CD276: variants seen among roughly 807,000 people sequenced by gnomAD.
The protein encoded by CD276 is CD276 antigen.
In CD276, 34 loss-of-function variants were observed where a neutral mutation model predicts 50.0. The observed-to-expected ratio is 0.68, with a 90% CI of 0.52 to 0.91. CD276 has a LOEUF of 0.91. Among genes scored for constraint, CD276 ranks in the 40% least tolerant of loss-of-function variants. CD276 has a pLI of 0.00. For synonymous variants in CD276, 275 were observed against 313.0 expected (o/e 0.88, Z 1.28); for missense variants, 634 against 717.5 (o/e 0.88, Z 1.33).
intron 8 of CD276, among the ~76,000 whole-genome samples, chr15:73,710,689 G>A (rs1484084793): frequency 6.6e-6 from 1 of 152,246 alleles, no homozygotes; most frequent in Non-Finnish European, 1.5e-5. Flanking sequence ...CATTCTTCAT[G>A]CTCAGAGGCA....
Position 73,702,361 on chromosome 15 carries a change from G to T in CD276, c.186G>T (p.Gln62His), listed in dbSNP as rs371089876. 6.2e-7 allele frequency: 1 copy of T among 1,613,542 alleles called. No individual in the cohort carries two copies. The highest frequency in any genetic ancestry group is 8.5e-7 in the Non-Finnish European group (1 of 1,180,024). Residue 62 changes from glutamine to histidine, a missense_variant, in exon 3 of 10, where the codon CAG becomes CAT. By Grantham distance (24) the Gln-to-His change is conservative. Coordinates refer to ENST00000318443, the MANE Select transcript of CD276 (RefSeq NM_001024736.2). ...FSPEPGFSLA[Q>H]LNLIWQLTDT... is the part of the protein sequence containing the mutation. Reference sequence around the variant, plus strand: ...CTGAGCCTGGCTTCAGCCTGGCACAGCTCAACCTCATCTGGCAGCTGACAG... The same window carrying T: ...CTGAGCCTGGCTTCAGCCTGGCACATCTCAACCTCATCTGGCAGCTGACAG...
chr15:73,705,800 C>T (rs900364251), intron 6 of CD276, among the ~76,000 whole-genome samples: 4 of 152,030 alleles, frequency 2.6e-5, no homozygotes, highest in African/African-American at 9.7e-5. Flanking sequence ...GATAAGGGGT[C>T]TTTGTGGTCA....
At chr15:73,686,806 A>G (rs1279201521) in intron 1 of CD276, among the ~76,000 whole-genome samples, 2 of 152,142 alleles carry the variant, frequency 1.3e-5, no homozygotes, top group African/African-American at 2.4e-5. Flanking sequence ...CAGAAAAATG[A>G]CCAAATCCAA....
chr15:73,696,574 G>A (rs547434449), intron 1 of CD276, among the ~76,000 whole-genome samples: 1 of 152,304 alleles, frequency 6.6e-6, no homozygotes, highest in South Asian at 2.1e-4. Context: ...CAAGTCCAGG[G>A]CGCAGCCCTG....
At position 73,713,882 on chromosome 15, in the gene CD276, A is replaced by G; in HGVS notation, c.*926A>G. On this transcript the variant is annotated 3_prime_UTR_variant, in exon 10 of 10. Transcript: ENST00000318443. ...CAACTACAGATGTCAGCACTGTGTT[A>G]GGTGCTGGGGGCCCTGCGTGGGAAG... The G allele has an allele frequency of 2.5e-6, 1 of 407,980 alleles. No individual in the cohort carries two copies. The highest frequency in any genetic ancestry group is 3.2e-5 in the Admixed American group (1 of 30,978). 25.3% of individuals were successfully genotyped at this position (407,980 alleles called of 1,614,324 possible).
chr15:73,704,504 G>C lies in CD276; in HGVS notation c.1369+32G>C. The C allele has an allele frequency of 6.3e-7, 1 of 1,591,322 alleles. No individual in the cohort carries two copies. Among genetic ancestry groups the C allele is most frequent in the East Asian group, 2.3e-5 (1 of 43,978 alleles). On this transcript the variant is annotated intron_variant, in intron 6 of 9. Transcript: ENST00000318443. This position sits in a 1 kb window ranked among gnomAD's most constrained non-coding sequence, Gnocchi z 4.1. ...GCAGATGAACAGCTGGGGAAGGACG[G>C]AGCGAGTAACTCCCTCTTTACTGGA...
In CD276 at chr15:73,703,961, G is replaced by C. The variant is rs755441177; in HGVS notation, c.1036G>C (p.Asp346His). The C allele has an allele frequency of 5.6e-6, 9 of 1,611,952 alleles. No individual in the cohort carries two copies. The South Asian group carries it at 9.9e-5, about 18-fold the overall frequency. The change falls in exon 5 of 10, where the codon GAT (aspartate) becomes CAT (histidine). Residue 346 changes from aspartate to histidine, a missense_variant. Asp to His is a moderately conservative substitution (Grantham distance 81). Transcript: ENST00000318443. ...GSFTCFVSIRDFGSAAVSLQV... is the reference protein window; with the variant it reads ...GSFTCFVSIRHFGSAAVSLQV... The stretch of plus-strand genomic sequence containing the variant: ...CTTCACCTGCTTCGTGAGCATCCGG[G>C]ATTTCGGCAGCGCTGCCGTCAGCCT...
At chr15:73,711,213 AT>A in intron 9 of CD276, 43 bp downstream of exon 9, 1 of 1,604,112 alleles carries the variant, frequency 6.2e-7, no homozygotes, top group Non-Finnish European at 8.5e-7. Context: ...GTATGCACAC[AT>A]CTGTGTGTGA....
rs901198297 is a variant in CD276, at chr15:73,687,809, A to T, written c.-55+3349A>T. Among the ~76,000 whole-genome samples the T allele has an allele frequency of 3.3e-5, 5 of 152,160 alleles. No individual in the cohort carries two copies. The highest frequency in any genetic ancestry group is 9.7e-5 in the African/African-American group (4 of 41,424). ...GGCATAGGGAGCTTAATCTGCGGGA[A>T]GTGGAGTGAGAAGCATTTCTTGCTG... On this transcript the variant is annotated intron_variant, in intron 1 of 9. Coordinates refer to ENST00000318443, the MANE Select transcript of CD276 (RefSeq NM_001024736.2). The surrounding 1 kb of genome is among the most constrained non-coding windows in gnomAD (Gnocchi z 4.0).
chr15:73,695,827 G>A lies in CD276; in HGVS notation c.-54-3759G>A, dbSNP rs368989455. 2.6e-5 allele frequency among the ~76,000 whole-genome samples: 4 copies of A among 152,336 alleles called. No homozygotes were observed. The East Asian group carries it at 5.8e-4, about 22-fold the overall frequency. Reference sequence around the variant, plus strand: ...TCTTTCTGACCCTTTTTGTCCCTTTGTGGGAAGTGTTGCCCAAGGAGCCCC... The same window carrying A: ...TCTTTCTGACCCTTTTTGTCCCTTTATGGGAAGTGTTGCCCAAGGAGCCCC... On this transcript the variant is annotated intron_variant, in intron 1 of 9. Transcript: ENST00000318443.
intron 4 of CD276, 33 bp from the exon 5 acceptor site, chr15:73,703,626 C>A: frequency 6.5e-7 from 1 of 1,545,338 alleles, no homozygotes; most frequent in East Asian, 2.3e-5. Context: ...CCCATTTCTC[C>A]TCACCACCCT....
rs1004138815 is a variant in CD276, at chr15:73,701,731, G to GA, written c.80-515dup. 3.3e-4 allele frequency among the ~76,000 whole-genome samples: 49 copies of GA among 150,164 alleles called. No individual in the cohort carries two copies. The East Asian group carries it at 4.3e-3, about 13-fold the overall frequency. ...AACAAATCGTGTTTCGTTAGGAAAA[G>GA]AAAAAAAAAGAAAAAAAGAAAAAGC... On this transcript the variant is annotated intron_variant, in intron 2 of 9. Coordinates refer to ENST00000318443, the MANE Select transcript of CD276 (RefSeq NM_001024736.2).
intron 1 of CD276, 145 bp from the exon 2 acceptor site, chr15:73,699,441 C>T: frequency 3.6e-6 from 4 of 1,110,212 alleles, no homozygotes; most frequent in South Asian, 1.6e-5. Flanking sequence ...CAAGATTCCT[C>T]AGCAGGGGGC....
At chr15:73,685,622 T>G (rs979709173) in intron 1 of CD276, among the ~76,000 whole-genome samples, 2 of 152,148 alleles carry the variant, frequency 1.3e-5, no homozygotes, top group Non-Finnish European at 2.9e-5. Context: ...AAGCATGTCT[T>G]CAGCAGTTAG....
chr15:73,694,268 G>C (rs546172520), intron 1 of CD276, among the ~76,000 whole-genome samples: 1 of 152,176 alleles, frequency 6.6e-6, no homozygotes, highest in Admixed American at 6.5e-5. Flanking sequence ...CCCCAAGCCT[G>C]GTCACTTCTA....
At position 73,708,473 on chromosome 15, in the gene CD276, GGTGA is replaced by G. The variant is rs1242710133; in HGVS notation, c.1504+4_1504+7del. The G allele has an allele frequency of 4.3e-6, 7 of 1,613,032 alleles. No homozygotes were observed. The highest frequency in any genetic ancestry group is 1.3e-5 in the African/African-American group (1 of 75,032). On this transcript the variant is annotated splice_donor_variant and splice_donor_region_variant and intron_variant, in intron 7 of 9. Coordinates refer to ENST00000318443, the MANE Select transcript of CD276 (RefSeq NM_001024736.2). LOFTEE classifies it high-confidence loss of function. ...ACAGAGCTGTGAGGAGGAGAATGCAGGTGAGTGTGTGTGTATGTGTGTGCGTGCG... is the reference window on the plus strand; with the variant it reads ...ACAGAGCTGTGAGGAGGAGAATGCAGGTGTGTGTGTATGTGTGTGCGTGCG...
chr15:73,699,475 C>T lies in CD276; in HGVS notation c.-54-111C>T, dbSNP rs1267565163. On this transcript the variant is annotated intron_variant, in intron 1 of 9. Transcript: ENST00000318443. ...GCCCGGTGGGATATGGGAATGAGGA[C>T]CTCCCAGTGGGCAGTTGCAGCCTTC... The T allele has an allele frequency of 5.0e-6, 7 of 1,389,056 alleles. No individual in the cohort carries two copies. The Admixed American group carries it at 1.1e-4, about 21-fold the overall frequency. The allele number at this position is 1,389,056 out of a possible 1,614,324, so 86.0% of individuals were successfully genotyped here. A position where few individuals can be genotyped will look rare whatever the true frequency, so the allele number is the denominator to read the frequency against.
At chr15:73,690,234 A>C (rs1410734838) in intron 1 of CD276, among the ~76,000 whole-genome samples, 2 of 152,214 alleles carry the variant, frequency 1.3e-5, no homozygotes, top group Non-Finnish European at 2.9e-5. Flanking sequence ...TGCTAGAATT[A>C]AGGATGCAAT....
In CD276 at chr15:73,708,456, G is replaced by T; in HGVS notation, c.1487G>T (p.Cys496Phe). 1 of 1,613,696 alleles carries T rather than the reference G, an allele frequency of 6.2e-7. No homozygotes were observed. The highest frequency in any genetic ancestry group is 8.5e-7 in the Non-Finnish European group (1 of 1,179,846). ...FVCWRKIKQS[C>F]EEENAGAEDQ... is the part of the protein sequence containing the mutation. ...TGCTGGAGAAAGATCAAACAGAGCT[G>T]TGAGGAGGAGAATGCAGGTGAGTGT... is the stretch of plus-strand genomic sequence containing the variant. The change falls in exon 7 of 10, where the codon TGT becomes TTT. Residue 496 changes from cysteine (C) to phenylalanine (F), a missense_variant. Transcript: ENST00000318443.
Sources: allele counts gnomAD v4.1 joint callset (sites outside exome capture counted in the v4.1 genomes callset), GRCh38; gene constraint gnomAD v4.1.1; non-coding constraint Gnocchi (gnomAD v3.1); transcripts MANE v1.5; gene names NCBI Gene and HGNC (gene_info 2026-07-23, HGNC 2026-07-21).